DNASE1: variants seen among roughly 807,000 people sequenced by gnomAD.
The protein encoded by DNASE1 is deoxyribonuclease 1.
DNASE1 carries 40 observed loss-of-function variants against 33.9 expected under a neutral mutation model. That is an observed-to-expected ratio of 1.18 (90% CI 0.92 to 1.54). The LOEUF (loss-of-function observed/expected upper bound fraction) is 1.54, where lower values mean the gene tolerates loss of function less well. DNASE1 is among the 40% of genes most tolerant of loss of function. The pLI is 0.00. For missense variants in DNASE1, 518 were observed against 372.6 expected (o/e 1.39, Z -3.21); for synonymous variants, 216 against 160.0 (o/e 1.35, Z -2.64).
intron 1 of DNASE1, among the ~76,000 whole-genome samples, chr16:3,614,201 C>T (rs552107913): frequency 7.2e-5 from 11 of 152,126 alleles, no homozygotes; most frequent in African/African-American, 2.4e-4. Context: ...TGTGAGCCAC[C>T]GCGCCCGGCG....
chr16:3,650,619 AAGAAAAG>A (rs1374485150), upstream of DNASE1: 1 of 144,226 alleles, frequency 6.9e-6, no homozygotes, highest in African/African-American at 2.7e-5. Flanking sequence ...AAAAAAAAAA[AAGAAAAG>A]AAAAAGAAAT....
At chr16:3,662,801 C>T (rs775577140), downstream of DNASE1, 1 of 1,380,492 alleles carries the variant, frequency 7.2e-7, no homozygotes, top group Non-Finnish European at 1.0e-6. Flanking sequence ...ACCCAACGGG[C>T]CAGGTACTGG....
intron 1 of DNASE1, among the ~76,000 whole-genome samples, chr16:3,624,536 T>G (rs1337347866): frequency 6.6e-6 from 1 of 152,160 alleles, no homozygotes; most frequent in Non-Finnish European, 1.5e-5. Flanking sequence ...AGACCCTGAA[T>G]CTAGCAGCCA....
intron 1 of DNASE1, among the ~76,000 whole-genome samples, chr16:3,627,455 T>C (rs2041549902): frequency 6.6e-6 from 1 of 151,962 alleles, no homozygotes; most frequent in South Asian, 2.1e-4. Context: ...TTTTTATTTT[T>C]TTATAGAGAC....
upstream of DNASE1, among the ~76,000 whole-genome samples, chr16:3,641,703 T>G (rs1185838788): frequency 6.6e-6 from 1 of 152,180 alleles, no homozygotes. Flanking sequence ...AGCTCATGGC[T>G]TCCTGAGGGT....
chr16:3,653,142 A>C (rs903004234), upstream of DNASE1: 6 of 152,210 alleles, frequency 3.9e-5, no homozygotes, highest in Admixed American at 3.9e-4. Flanking sequence ...ATGCAGGTGC[A>C]CAGATCTTAA....
rs745636078 is a variant in DNASE1, at chr16:3,655,940, G to A, written c.236+3G>A. 1.2e-6 allele frequency: 2 copies of A among 1,613,908 alleles called. No homozygotes were observed. Among genetic ancestry groups the A allele is most frequent in the African/African-American group, 2.7e-5 (2 of 74,922 alleles). ...AAGCTGCTGGACAACCTCAATCAGTGGGTGACAGTGGCAGGGTCATAGGAA... is the reference window on the plus strand; with the variant it reads ...AAGCTGCTGGACAACCTCAATCAGTAGGTGACAGTGGCAGGGTCATAGGAA... On this transcript the variant is annotated splice_donor_region_variant and intron_variant, in intron 3 of 8. Coordinates refer to ENST00000246949, the MANE Select transcript of DNASE1 (RefSeq NM_005223.4).
rs536942957 is a variant in DNASE1, at chr16:3,663,874, C to G, written c.*5921C>G. The G allele has an allele frequency of 7.1e-5, 27 of 378,918 alleles. No individual in the cohort carries two copies. The Admixed American group carries it at 8.7e-4, about 12-fold the overall frequency. 23.5% of individuals were successfully genotyped at this position (378,918 alleles called of 1,614,324 possible). On this transcript the variant is annotated 3_prime_UTR_variant, in exon 10 of 10. Transcript: ENST00000407479. ...AGATCATGAGGTCAGGAGTTCGAGA[C>G]CAACATGGTGAAATGCCGTCTCTAT...
intron 1 of DNASE1, among the ~76,000 whole-genome samples, chr16:3,614,088 ATTT>A (rs999740818): frequency 6.6e-6 from 1 of 151,826 alleles, no homozygotes; most frequent in African/African-American, 2.4e-5. Context: ...AATTTTTTGT[ATTT>A]TTAGTAGAGA....
upstream of DNASE1, among the ~76,000 whole-genome samples, chr16:3,649,708 G>C (rs2042275328): frequency 6.6e-6 from 1 of 152,164 alleles, no homozygotes; most frequent in African/African-American, 2.4e-5. Flanking sequence ...CCCTGATAGT[G>C]GTGCCGGAGG....
chr16:3,638,366 C>T (rs747077654), upstream of DNASE1, among the ~76,000 whole-genome samples: 6 of 152,080 alleles, frequency 3.9e-5, no homozygotes, highest in Non-Finnish European at 8.8e-5. Context: ...GAGGCGGAGT[C>T]TCGCTCCATT....
upstream of DNASE1, among the ~76,000 whole-genome samples, chr16:3,642,140 G>A (rs976921906): frequency 4.6e-5 from 7 of 152,176 alleles, no homozygotes; most frequent in Non-Finnish European, 1.0e-4. Context: ...ACAGGCCCAC[G>A]TCAGCCCCTC....
chr16:3,624,917 C>G lies in DNASE1; in HGVS notation c.-1359+12911C>G, dbSNP rs546153662. Among the ~76,000 whole-genome samples the G allele has an allele frequency of 4.6e-5, 7 of 152,250 alleles. No homozygotes were observed. The East Asian group carries it at 1.4e-3, about 29-fold the overall frequency. On this transcript the variant is annotated intron_variant and NMD_transcript_variant, in intron 1 of 11. Coordinates refer to the DNASE1 transcript ENST00000570769. ...GTTTTGCCATGTTGCCCAGGCTCGTCTCGAACTGGGCTCAAGTGATTTGCT... is the reference window on the plus strand; with the variant it reads ...GTTTTGCCATGTTGCCCAGGCTCGTGTCGAACTGGGCTCAAGTGATTTGCT...
chr16:3,614,070 A>G (rs538944890), intron 1 of DNASE1, among the ~76,000 whole-genome samples: 13 of 150,990 alleles, frequency 8.6e-5, no homozygotes, highest in African/African-American at 3.2e-4. Flanking sequence ...CCGCCACCAC[A>G]CCTGGCTAAT....
intron 1 of DNASE1, among the ~76,000 whole-genome samples, chr16:3,649,109 A>G (rs1479075859): frequency 6.6e-6 from 1 of 152,104 alleles, no homozygotes; most frequent in African/African-American, 2.4e-5. Context: ...TTTGGCAAGA[A>G]CTCTCCTAAG....
chr16:3,626,552 A>T (rs2041517071), intron 1 of DNASE1, among the ~76,000 whole-genome samples: 1 of 152,244 alleles, frequency 6.6e-6, no homozygotes, highest in Non-Finnish European at 1.5e-5. Context: ...CTTAGAATAT[A>T]GTCCATCTTG....
chr16:3,618,615 A>G (rs1394879254), intron 1 of DNASE1, among the ~76,000 whole-genome samples: 8 of 152,032 alleles, frequency 5.3e-5, no homozygotes, highest in Admixed American at 3.3e-4. Context: ...CTGAATCCCA[A>G]CTACTCGGGA....
intron 8 of DNASE1, 37 bp downstream of exon 8, chr16:3,657,853 G>T: frequency 6.2e-7 from 1 of 1,614,020 alleles, no homozygotes; most frequent in Non-Finnish European, 8.5e-7. Flanking sequence ...ATGAGGATGG[G>T]ACACAGGAGC....
exon 10 of DNASE1, chr16:3,663,987 C>A (rs2050759145): frequency 1.4e-5 from 5 of 369,086 alleles, no homozygotes. Flanking sequence ...GACCTGAACC[C>A]AGGAGGCGGA....
Sources: gnomAD v4.1 joint callset for allele counts (sites outside exome capture counted in the v4.1 genomes callset) on GRCh38, gnomAD v4.1.1 for gene constraint, MANE v1.5 for transcripts, NCBI Gene and HGNC (gene_info 2026-07-23, HGNC 2026-07-21) for gene names.